Variants in NRBP2 observed in about 807,000 individuals in gnomAD.
NRBP2 encodes the protein nuclear receptor-binding protein 2.
NRBP2 carries 47 observed loss-of-function variants against 74.4 expected under a neutral mutation model. That is an observed-to-expected ratio of 0.63 (90% CI 0.50 to 0.81). The LOEUF (loss-of-function observed/expected upper bound fraction) is 0.81. Ranked by LOEUF, NRBP2 falls within the 30% of genes least tolerant of loss-of-function variation. The pLI is 0.00. For synonymous variants in NRBP2, 312 were observed against 273.8 expected, an observed-to-expected ratio of 1.14 and a Z score of -1.38; for missense variants, 613 against 690.1, an observed-to-expected ratio of 0.89 and a Z score of 1.25.
At position 143,840,265 on chromosome 8, in the gene NRBP2, T is replaced by G; in HGVS notation, c.130-36A>C. On this transcript the variant is annotated intron_variant, in intron 1 of 17. Transcript: ENST00000442628. The surrounding 1 kb of genome is among the most constrained non-coding windows in gnomAD (Gnocchi z 5.7). ...ATAAAGGGTTATGTGTGCCCTGGTG[T>G]GTGTCAGGGTTGTGGGTGAGGATTT... The G allele has an allele frequency of 1.3e-6, 2 of 1,534,658 alleles. No homozygotes were observed. The highest frequency in any genetic ancestry group is 8.7e-7 in the Non-Finnish European group (1 of 1,146,022).
chr8:143,838,848 A>AG (rs1818550203), intron 9 of NRBP2, 35 bp downstream of exon 9: 1 of 1,613,038 alleles, frequency 6.2e-7, no homozygotes, highest in Non-Finnish European at 8.5e-7. Context: ...AGTTAGGAGG[A>AG]GGGCAGAGCA....
At chr8:143,829,895 C>A (rs1246112151), downstream of NRBP2, 1 of 152,282 alleles carries the variant, frequency 6.6e-6, no homozygotes. Context: ...ACCCGCAGCC[C>A]GCAGGCCCCG....
In NRBP2 at chr8:143,835,988, G is replaced by C; in HGVS notation, c.1360C>G (p.Leu454Val). 1 of 1,581,570 alleles carries C rather than the reference G, an allele frequency of 6.3e-7. No homozygotes were observed. Among genetic ancestry groups the C allele is most frequent in the Non-Finnish European group, 8.6e-7 (1 of 1,164,482 alleles). Residue 454 changes from leucine to valine, a missense_variant, in exon 16 of 18, where the codon CTG (leucine) becomes GTG (valine). Physicochemically the swap from Leu to Val is conservative, Grantham distance 32. Around this residue, in one of 2 missense-constraint regions of NRBP2, gnomAD observed 281 missense variants for 260.9 expected, o/e 1.08. Transcript: ENST00000442628. The surrounding 1 kb of genome is among the most constrained non-coding windows in gnomAD (Gnocchi z 4.9). ...CTACTTGGGAGCAGGTCGTAGGTCA[G>C]CTGCCGGTGCAGCCGGTCTTCCAGC... ...LVLEDRLHRQLTYDLLPTDSA... is the reference protein window; with the variant it reads ...LVLEDRLHRQVTYDLLPTDSA...
At chr8:143,836,294 A>T in intron 14 of NRBP2, 114 bp from the exon 15 acceptor site, 1 of 1,372,860 alleles carries the variant, frequency 7.3e-7, no homozygotes, top group Non-Finnish European at 9.5e-7. Flanking sequence ...CTCTAAGAGG[A>T]GCCCATCTCA....
rs1818455084 is a variant in NRBP2 at position 143,837,339 on chromosome 8, G to GC, written c.1077-41dup. ...GGAGGCACATGAGGGGCTGGCCGGG[G>GC]CGAGGGGAGGGGAGGTGCGGGGAGG... On this transcript the variant is annotated intron_variant, in intron 12 of 17. Transcript: ENST00000442628. This position sits in a 1 kb window ranked among gnomAD's most constrained non-coding sequence, Gnocchi z 4.3. 1.3e-6 allele frequency: 2 copies of GC among 1,587,616 alleles called. No individual in the cohort carries two copies. Among genetic ancestry groups the GC allele is most frequent in the Non-Finnish European group, 1.7e-6 (2 of 1,164,198 alleles).
At chr8:143,838,657 G>A (rs1439120172) in intron 10 of NRBP2, 23 bp downstream of exon 10, 5 of 1,570,490 alleles carry the variant, frequency 3.2e-6, no homozygotes, top group South Asian at 1.1e-5. Context: ...GCCAGCTGGG[G>A]AGGGGCAGGG....
intron 14 of NRBP2, among the ~76,000 whole-genome samples, chr8:143,836,619 G>C (rs947197988): frequency 7.3e-5 from 11 of 149,776 alleles, no homozygotes; most frequent in African/African-American, 2.2e-4. Flanking sequence ...TGGCCAGGAG[G>C]GGGTGCTGCA....
At position 143,839,792 on chromosome 8, in the gene NRBP2, T is replaced by G; in HGVS notation, c.388A>C (p.Ser130Arg). 6.5e-7 allele frequency: 1 copy of G among 1,536,114 alleles called. No individual in the cohort carries two copies. The highest frequency in any genetic ancestry group is 8.7e-7 in the Non-Finnish European group (1 of 1,146,888). The part of the protein sequence containing the change: ...IFITEYVSSG[S>R]LKQFLKKTKK... ...GTCTTTTTGAGGAATTGCTTGAGGC[T>G]GCCTGATGACACGTACTCTGTGATG... is the stretch of plus-strand genomic sequence containing the variant. Residue 130 changes from serine (S) to arginine (R), a missense_variant, in exon 4 of 18, where the codon AGC (serine) becomes CGC (arginine). Transcript: ENST00000442628. This position sits in a 1 kb window ranked among gnomAD's most constrained non-coding sequence, Gnocchi z 5.1.
At position 143,834,327 on chromosome 8, in the gene NRBP2, A is replaced by G. The variant is rs1818268288; in HGVS notation, c.*1335T>C. 6.6e-6 allele frequency: 1 copy of G among 152,240 alleles called. No individual in the cohort carries two copies. Among genetic ancestry groups the G allele is most frequent in the African/African-American group, 2.4e-5 (1 of 41,464 alleles). 9.4% of individuals were successfully genotyped at this position (152,240 alleles called of 1,614,324 possible). On this transcript the variant is annotated 3_prime_UTR_variant, in exon 18 of 18. Transcript: ENST00000442628. Reference sequence around the variant, plus strand: ...CCAAGGAATGTAGGCAGCCTCTACAAGCTGGAAGTGGCCTTAGTTTACAGT... The same window carrying G: ...CCAAGGAATGTAGGCAGCCTCTACAGGCTGGAAGTGGCCTTAGTTTACAGT...
rs367799455 is a variant in NRBP2, at chr8:143,837,609, G to T, written c.973+14C>A. The stretch of plus-strand genomic sequence containing the variant: ...CACCTCCCCAGCCACCCCCCGGGCC[G>T]GCCTGCTGCTCACACTGGTGCTGGA... On this transcript the variant is annotated intron_variant, in intron 11 of 17. Transcript: ENST00000442628. This position sits in a 1 kb window ranked among gnomAD's most constrained non-coding sequence, Gnocchi z 4.3. The T allele has an allele frequency of 5.6e-6, 9 of 1,598,992 alleles. No individual in the cohort carries two copies. In the East Asian group the frequency reaches 1.6e-4, roughly 28 times the overall value.
downstream of NRBP2, among the ~76,000 whole-genome samples, chr8:143,832,013 G>A (rs1818180980): frequency 1.3e-5 from 2 of 152,258 alleles, no homozygotes; most frequent in Admixed American, 1.3e-4. Context: ...AGAGAGATCA[G>A]ATTGTTACTG....
downstream of NRBP2, among the ~76,000 whole-genome samples, chr8:143,831,313 G>C (rs565205395): frequency 6.6e-6 from 1 of 152,226 alleles, no homozygotes; most frequent in Non-Finnish European, 1.5e-5. Flanking sequence ...CACCATGACT[G>C]CATCTCAAAA....
In NRBP2 at chr8:143,839,405, G is replaced by A; in HGVS notation, c.489C>T (p.Phe163=). 1 of 1,569,434 alleles carries A rather than the reference G, an allele frequency of 6.4e-7. No homozygotes were observed. The highest frequency in any genetic ancestry group is 8.6e-7 in the Non-Finnish European group (1 of 1,165,504). ...TGATTGGGGGGCTGCAGGCGTGCAG[G>A]AAGCTGCAGACGTTGGGGAGGGGAG... is the stretch of plus-strand genomic sequence containing the variant. ...WCTQILSALS[F]LHACSPPIIH... Residue 163 remains phenylalanine (F), a synonymous_variant, in exon 6 of 18, where the codon TTC becomes TTT. Coordinates refer to ENST00000442628, the MANE Select transcript of NRBP2 (RefSeq NM_178564.4). This position sits in a 1 kb window ranked among gnomAD's most constrained non-coding sequence, Gnocchi z 5.1.
At position 143,834,818 on chromosome 8, in the gene NRBP2, CT is replaced by C. The variant is rs1308786977; in HGVS notation, c.*843del. On this transcript the variant is annotated 3_prime_UTR_variant, in exon 18 of 18. Coordinates refer to ENST00000442628, the MANE Select transcript of NRBP2 (RefSeq NM_178564.4). ...TGGGAGAGAGGCAGGGAGCCAGGAG[CT>C]GACATCCTCAGAGGCCCAGGGAGCA... 6.6e-6 allele frequency: 1 copy of C among 152,458 alleles called. No individual in the cohort carries two copies. The highest frequency in any genetic ancestry group is 1.9e-4 in the East Asian group (1 of 5,184). The allele number at this position is 152,458 out of a possible 1,614,324, so 9.4% of individuals were successfully genotyped here. A position where few individuals can be genotyped will look rare whatever the true frequency, so the allele number is the denominator to read the frequency against.
rs1408997172 is a variant in NRBP2 at position 143,834,416 on chromosome 8, A to AGGAGC, written c.*1241_*1245dup. 1 of 152,240 alleles carries AGGAGC rather than the reference A, an allele frequency of 6.6e-6. No individual in the cohort carries two copies. The highest frequency in any genetic ancestry group is 1.5e-5 in the Non-Finnish European group (1 of 68,050). The allele number at this position is 152,240 out of a possible 1,614,324, so 9.4% of individuals were successfully genotyped here. A position where few individuals can be genotyped will look rare whatever the true frequency, so the allele number is the denominator to read the frequency against. On this transcript the variant is annotated 3_prime_UTR_variant, in exon 18 of 18. Coordinates refer to ENST00000442628, the MANE Select transcript of NRBP2 (RefSeq NM_178564.4). ...GATGTGGATTCTGCCAGCAGCCTGAAGGAGCAGGAGACAGAGTCTCCCCTA... is the reference window on the plus strand; with the variant it reads ...GATGTGGATTCTGCCAGCAGCCTGAAGGAGCGGAGCAGGAGACAGAGTCTCCCCTA...
rs782247106 is a variant in NRBP2 at position 143,838,780 on chromosome 8, G to C, written c.745-5C>G. ...CTGGATTTCCAGTACAGCCATCTGG[G>C]GCACAGAGCCAGGTCAGGCATGGGG... On this transcript the variant is annotated splice_polypyrimidine_tract_variant and splice_region_variant and intron_variant, in intron 9 of 17. Coordinates refer to ENST00000442628, the MANE Select transcript of NRBP2 (RefSeq NM_178564.4). 1.2e-6 allele frequency: 2 copies of C among 1,612,388 alleles called. No homozygotes were observed. The highest frequency in any genetic ancestry group is 2.2e-5 in the South Asian group (2 of 90,610).
rs782436042 is a variant in NRBP2 at position 143,837,060 on chromosome 8, G to C, written c.1242C>G (p.Pro414=). The C allele has an allele frequency of 6.2e-7, 1 of 1,611,384 alleles. No homozygotes were observed. The highest frequency in any genetic ancestry group is 8.5e-7 in the Non-Finnish European group (1 of 1,179,122). The part of the protein sequence containing the change: ...VQKAKTPTPE[P]FDSETRKVIQ... ...TCACCTTTCTGGTCTCAGAGTCAAA[G>C]GGCTCTGGCGTCGGGGTCTTGGCCT... The change falls in exon 14 of 18, where the codon CCC becomes CCG. Residue 414 remains proline, a synonymous_variant. Transcript: ENST00000442628. This position sits in a 1 kb window ranked among gnomAD's most constrained non-coding sequence, Gnocchi z 4.3.
chr8:143,837,663 C>G lies in NRBP2; in HGVS notation c.933G>C (p.Ser311=). Residue 311 remains serine, a synonymous_variant, in exon 11 of 18, where the codon TCG becomes TCC. Coordinates refer to ENST00000442628, the MANE Select transcript of NRBP2 (RefSeq NM_178564.4). The surrounding 1 kb of genome is among the most constrained non-coding windows in gnomAD (Gnocchi z 4.3). ...AGCAGTGGGCTGCCAGGAGCTTCAGCGAGTGCACCTCGAAGAGCACGCGGT... is the reference window on the plus strand; with the variant it reads ...AGCAGTGGGCTGCCAGGAGCTTCAGGGAGTGCACCTCGAAGAGCACGCGGT... ...LFHRVLFEVH[S]LKLLAAHCFI... is the part of the protein sequence containing the mutation. The G allele has an allele frequency of 6.3e-7, 1 of 1,595,348 alleles. No homozygotes were observed. The highest frequency in any genetic ancestry group is 8.5e-7 in the Non-Finnish European group (1 of 1,171,260).
rs2130565919 is a variant in NRBP2, at chr8:143,840,900, C to T, written c.-66G>A. 2 of 1,232,690 alleles carry T rather than the reference C, an allele frequency of 1.6e-6. No homozygotes were observed. Among genetic ancestry groups the T allele is most frequent in the South Asian group, 6.8e-5 (2 of 29,612 alleles). The allele number at this position is 1,232,690 out of a possible 1,614,324, so 76.4% of individuals were successfully genotyped here. A position where few individuals can be genotyped will look rare whatever the true frequency, so the allele number is the denominator to read the frequency against. Reference sequence around the variant, plus strand: ...CGCCGGCGCAGCCTCTCCCGGCCCGCCCTGGCCTCGCGCCCAGCAGCCCAG... The same window carrying T: ...CGCCGGCGCAGCCTCTCCCGGCCCGTCCTGGCCTCGCGCCCAGCAGCCCAG... On this transcript the variant is annotated 5_prime_UTR_variant, in exon 1 of 18. Coordinates refer to ENST00000442628, the MANE Select transcript of NRBP2 (RefSeq NM_178564.4). The surrounding 1 kb of genome is among the most constrained non-coding windows in gnomAD (Gnocchi z 5.7).
Sources: allele counts gnomAD v4.1 joint callset (sites outside exome capture counted in the v4.1 genomes callset), GRCh38; gene constraint gnomAD v4.1.1; regional missense constraint gnomAD v4.1.1; non-coding constraint Gnocchi (gnomAD v3.1); transcripts MANE v1.5; gene names NCBI Gene and HGNC (gene_info 2026-07-23, HGNC 2026-07-21).